Variants in RANBP2 observed in about 807,000 individuals in gnomAD.
RANBP2 encodes RAN binding protein 2, also known as E3 SUMO-protein ligase RanBP2.
RANBP2 carries 57 observed loss-of-function variants against 303.6 expected under a neutral mutation model. The observed-to-expected ratio is 0.19, with a 90% CI of 0.15 to 0.23. The LOEUF (loss-of-function observed/expected upper bound fraction) is 0.23, where lower values mean the gene tolerates loss of function less well. Among genes scored for constraint, RANBP2 ranks in the 10% least tolerant of loss-of-function variants. The pLI, the probability that RANBP2 is intolerant of heterozygous loss-of-function variation, is 1.00. For missense variants in RANBP2, 3,138 were observed against 3,780.8 expected (o/e 0.83, Z 4.46); for synonymous variants, 1,167 against 1,301.5 (o/e 0.90, Z 2.23).
chr2:109,513,543 A>G, the RANBP2 span, among the ~76,000 whole-genome samples: 37 of 151,992 alleles, frequency 2.4e-4, no homozygotes, highest in Non-Finnish European at 1.5e-4. Flanking sequence ...TTATATGCAC[A>G]TACACACACA....
chr2:108,985,984 T>G, the RANBP2 span, among the ~76,000 whole-genome samples: 1 of 152,168 alleles, frequency 6.6e-6, no homozygotes, highest in Non-Finnish European at 1.5e-5. Context: ...GAATGGCTGA[T>G]CCCTGCCAAG....
At chr2:109,603,890 G>A in the RANBP2 span, among the ~76,000 whole-genome samples, 12 of 151,940 alleles carry the variant, frequency 7.9e-5, no homozygotes, top group African/African-American at 2.9e-4. Flanking sequence ...AGCCGGGCAC[G>A]GTGGCTCACA....
the RANBP2 span, among the ~76,000 whole-genome samples, chr2:108,854,007 T>A: frequency 1.0e-5 from 1 of 98,714 alleles, no homozygotes; most frequent in African/African-American, 4.1e-5. Context: ...TTATATTATA[T>A]ATAATATATA....
chr2:109,036,669 G>A, the RANBP2 span, among the ~76,000 whole-genome samples: 2 of 152,150 alleles, frequency 1.3e-5, no homozygotes, highest in Non-Finnish European at 2.9e-5. Context: ...GACTAGGAAT[G>A]GCGGGGAGTG....
the RANBP2 span, among the ~76,000 whole-genome samples, chr2:109,435,569 G>C: frequency 1.3e-5 from 2 of 152,194 alleles, no homozygotes; most frequent in African/African-American, 2.4e-5. Context: ...GTGGGAGCAG[G>C]TATGTGGCTC....
At chr2:109,127,111 C>G in the RANBP2 span, among the ~76,000 whole-genome samples, 1 of 152,218 alleles carries the variant, frequency 6.6e-6, no homozygotes. Flanking sequence ...GTTGTTGGCG[C>G]TGATGTAAAT....
the RANBP2 span, among the ~76,000 whole-genome samples, chr2:109,231,221 A>G: frequency 6.6e-6 from 1 of 152,244 alleles, no homozygotes; most frequent in Non-Finnish European, 1.5e-5. Flanking sequence ...GCAGTTCTTC[A>G]TCCAGGGGCT....
the RANBP2 span, among the ~76,000 whole-genome samples, chr2:109,055,062 C>T: frequency 6.6e-6 from 1 of 152,108 alleles, no homozygotes; most frequent in African/African-American, 2.4e-5. Flanking sequence ...ATGAATAAAG[C>T]TGCTATGAGC....
chr2:108,841,059 A>T, the RANBP2 span, among the ~76,000 whole-genome samples: 11 of 151,960 alleles, frequency 7.2e-5, no homozygotes, highest in African/African-American at 2.7e-4. Flanking sequence ...GGGTTTCACC[A>T]TGTTGACCTC....
chr2:108,868,563 C>G, the RANBP2 span, among the ~76,000 whole-genome samples: 1 of 152,306 alleles, frequency 6.6e-6, no homozygotes, highest in East Asian at 1.9e-4. Context: ...AAAACTTTCT[C>G]CTCCAGCCTT....
the RANBP2 span, among the ~76,000 whole-genome samples, chr2:109,066,810 T>C: frequency 1.3e-5 from 2 of 151,544 alleles, no homozygotes; most frequent in Non-Finnish European, 2.9e-5. Context: ...AGCCGAGCGG[T>C]AAAGGAAGGA....
the RANBP2 span, among the ~76,000 whole-genome samples, chr2:109,152,367 A>G: frequency 6.6e-6 from 1 of 152,072 alleles, no homozygotes; most frequent in African/African-American, 2.4e-5. Flanking sequence ...AATCCCTCTT[A>G]TATTGCTTTT....
the RANBP2 span, among the ~76,000 whole-genome samples, chr2:108,983,805 C>T: frequency 1.3e-5 from 2 of 152,226 alleles, no homozygotes; most frequent in Non-Finnish European, 2.9e-5. Flanking sequence ...TGGCCAAGGG[C>T]ATCAGTGATC....
chr2:109,434,592 C>G, the RANBP2 span, among the ~76,000 whole-genome samples: 1 of 152,212 alleles, frequency 6.6e-6, no homozygotes, highest in Admixed American at 6.5e-5. Context: ...AGTTAAATCC[C>G]TGAATATCCT....
the RANBP2 span, among the ~76,000 whole-genome samples, chr2:109,109,960 A>G: frequency 6.6e-6 from 1 of 152,064 alleles, no homozygotes; most frequent in African/African-American, 2.4e-5. Context: ...CTGTGCTGAA[A>G]GTTGTTTAGA....
the RANBP2 span, among the ~76,000 whole-genome samples, chr2:109,249,471 T>TTC: frequency 6.4e-3 from 149 of 23,368 alleles, 2 homozygotes; most frequent in South Asian, 0.041. Flanking sequence ...CTCTTTCTCT[T>TTC]TCTTTCTTTC....
the RANBP2 span, chr2:109,615,287 C>G: frequency 3.1e-6 from 5 of 1,594,266 alleles, no homozygotes; most frequent in Non-Finnish European, 4.3e-6. Flanking sequence ...CGCTGGACCC[C>G]CTGGAGCACG....
intron 6 of RANBP2, 75 bp downstream of exon 6, chr2:108,736,324 C>T (rs1349683050): frequency 6.2e-7 from 1 of 1,609,200 alleles, no homozygotes; most frequent in Non-Finnish European, 8.5e-7. Context: ...TTGCTCTAAA[C>T]TTCTTCACTG....
the RANBP2 span, among the ~76,000 whole-genome samples, chr2:109,516,286 G>A: frequency 6.6e-6 from 1 of 152,242 alleles, no homozygotes; most frequent in Non-Finnish European, 1.5e-5. Context: ...CTGGGGGGCA[G>A]CCCTCTCCCC....
Sources: allele counts gnomAD v4.1 joint callset (sites outside exome capture counted in the v4.1 genomes callset), GRCh38; gene constraint gnomAD v4.1.1; transcripts MANE v1.5; gene names NCBI Gene and HGNC (gene_info 2026-07-23, HGNC 2026-07-21).